CCSER1: variants seen among roughly 807,000 people sequenced by gnomAD.
CCSER1 encodes coiled-coil serine rich protein 1, also known as serine-rich coiled-coil domain-containing protein 1.
In CCSER1, 41 loss-of-function variants were observed where a neutral mutation model predicts 82.0. That is an observed-to-expected ratio of 0.50 (90% CI 0.39 to 0.65). The LOEUF (loss-of-function observed/expected upper bound fraction) is 0.65. CCSER1 is among the 30% of genes least tolerant of loss of function. CCSER1 has a pLI of 0.00. For synonymous variants in CCSER1, 414 were observed against 383.9 expected (o/e 1.08, Z -0.92); for missense variants, 1,119 against 1,064.2 (o/e 1.05, Z -0.72).
chr4:91,241,653 G>T (rs968891374), intron 10 of CCSER1, among the ~76,000 whole-genome samples: 2 of 151,708 alleles, frequency 1.3e-5, no homozygotes, highest in African/African-American at 4.8e-5. Flanking sequence ...TATATATTTT[G>T]GTATAATTAC....
intron 8 of CCSER1, among the ~76,000 whole-genome samples, chr4:90,831,279 C>T (rs1422542344): frequency 6.6e-6 from 1 of 152,056 alleles, no homozygotes; most frequent in Non-Finnish European, 1.5e-5. Flanking sequence ...GTGGATTTGA[C>T]TTTTACAGTG....
rs1561384636 is a variant in CCSER1, at chr4:90,932,962, GAAAGAAAGAAAGAAAGAA to G, written c.2172+9517_2172+9534del. Reference sequence around the variant, plus strand: ...AGAAAGAAAGAAAGAAAGAAAGAAAGAAAGAAAGAAAGAAAGAAAGAGAAAGAAAGAAAGAAAGAAAGA... The same window carrying G: ...AGAAAGAAAGAAAGAAAGAAAGAAAGAGAGAAAGAAAGAAAGAAAGAAAGA... On this transcript the variant is annotated intron_variant, in intron 9 of 10. Coordinates refer to ENST00000509176, the MANE Select transcript of CCSER1 (RefSeq NM_001145065.2). Among the ~76,000 whole-genome samples, 210 of 34,836 alleles carry G rather than the reference GAAAGAAAGAAAGAAAGAA, an allele frequency of 6.0e-3. 67 individuals are homozygous for G. Among genetic ancestry groups the G allele is most frequent in the African/African-American group, 0.034 (177 of 5,184 alleles). 22.9% of individuals were successfully genotyped at this position (34,836 alleles called of 152,430 possible). A position where few individuals can be genotyped will look rare whatever the true frequency, so the allele number is the denominator to read the frequency against.
At position 90,502,701 on chromosome 4, in the gene CCSER1, A is replaced by G. The variant is rs1400012891; in HGVS notation, c.1724+34347A>G. Among the ~76,000 whole-genome samples, 7 of 152,330 alleles carry G rather than the reference A, an allele frequency of 4.6e-5. No individual in the cohort carries two copies. The East Asian group carries it at 7.7e-4, about 17-fold the overall frequency. ...AACAAGATCGAAGAAGAGAAAATGCATAAAAGCATTTGAGAAAAAATATAC... is the reference window on the plus strand; with the variant it reads ...AACAAGATCGAAGAAGAGAAAATGCGTAAAAGCATTTGAGAAAAAATATAC... On this transcript the variant is annotated intron_variant, in intron 5 of 10. Coordinates refer to ENST00000509176, the MANE Select transcript of CCSER1 (RefSeq NM_001145065.2).
intron 10 of CCSER1, among the ~76,000 whole-genome samples, chr4:91,419,567 A>G (rs187520568): frequency 6.6e-6 from 1 of 152,210 alleles, no homozygotes; most frequent in African/African-American, 2.4e-5. Flanking sequence ...GAAGGCACAA[A>G]TGCAAAGGTA....
At chr4:90,957,541 ATATAAT>A (rs961170131) in intron 9 of CCSER1, among the ~76,000 whole-genome samples, 21 of 122,336 alleles carry the variant, frequency 1.7e-4, no homozygotes, top group African/African-American at 7.3e-4. Context: ...TATATATATT[ATATAAT>A]TATATTATAT....
intron 8 of CCSER1, among the ~76,000 whole-genome samples, chr4:90,917,526 G>T (rs957309540): frequency 6.6e-6 from 1 of 152,042 alleles, no homozygotes; most frequent in Non-Finnish European, 1.5e-5. Flanking sequence ...GTAGAAGGAG[G>T]GGGGAGGGAT....
intron 7 of CCSER1, among the ~76,000 whole-genome samples, chr4:90,750,971 C>T (rs17017507): frequency 6.6e-6 from 1 of 151,854 alleles, no homozygotes; most frequent in African/African-American, 2.4e-5. Context: ...AAATATCAGA[C>T]CTTTATTAGT....
intron 3 of CCSER1, among the ~76,000 whole-genome samples, chr4:90,359,881 ATATATATGTGTGTGTG>A (rs1453804029): frequency 1.2e-5 from 1 of 80,442 alleles, no homozygotes; most frequent in Non-Finnish European, 2.2e-5. Context: ...ATATGTGTGT[ATATATATGTGTGTGTG>A]TATATATATA....
intron 3 of CCSER1, among the ~76,000 whole-genome samples, chr4:90,361,926 A>G (rs901746290): frequency 6.6e-6 from 1 of 152,216 alleles, no homozygotes; most frequent in African/African-American, 2.4e-5. Flanking sequence ...TTTAGAAGAT[A>G]TATACAGTTT....
intron 7 of CCSER1, among the ~76,000 whole-genome samples, chr4:90,729,508 C>T (rs977224336): frequency 2.6e-5 from 4 of 151,860 alleles, no homozygotes; most frequent in African/African-American, 9.7e-5. Context: ...ATGAATTTGT[C>T]TTGAGGGAAA....
Position 91,347,790 on chromosome 4 carries a change from G to GA in CCSER1, c.2218-250775dup, listed in dbSNP as rs1157734475. On this transcript the variant is annotated intron_variant, in intron 10 of 10. Transcript: ENST00000509176. The stretch of plus-strand genomic sequence containing the variant: ...TCCAATTTTTCATGGCTAGTATTAA[G>GA]AAAAAAATTGACTTTTGCTTATTAG... 3.3e-5 allele frequency among the ~76,000 whole-genome samples: 5 copies of GA among 151,090 alleles called. No homozygotes were observed. The South Asian group carries it at 6.2e-4, about 19-fold the overall frequency.
chr4:90,252,638 A>G (rs1722603405), intron 1 of CCSER1, among the ~76,000 whole-genome samples: 1 of 151,846 alleles, frequency 6.6e-6, no homozygotes, highest in Non-Finnish European at 1.5e-5. Flanking sequence ...AAATCCACTT[A>G]TATTATTTTA....
intron 7 of CCSER1, among the ~76,000 whole-genome samples, chr4:90,728,320 T>G (rs1303313581): frequency 6.6e-6 from 1 of 152,200 alleles, no homozygotes; most frequent in Non-Finnish European, 1.5e-5. Context: ...AACTCCAAGC[T>G]TCTCTCAGAG....
intron 8 of CCSER1, among the ~76,000 whole-genome samples, chr4:90,918,614 T>C (rs1727880538): frequency 6.7e-6 from 1 of 149,640 alleles, no homozygotes; most frequent in South Asian, 2.1e-4. Context: ...GTACCTATTA[T>C]GTCTTTCATG....
At chr4:90,606,280 A>G in intron 5 of CCSER1, among the ~76,000 whole-genome samples, 1 of 152,146 alleles carries the variant, frequency 6.6e-6, no homozygotes, top group South Asian at 2.1e-4. Context: ...CTGTTTCATC[A>G]TTGTGCAAAC....
intron 8 of CCSER1, among the ~76,000 whole-genome samples, chr4:90,861,997 G>A (rs1450727264): frequency 6.7e-6 from 1 of 149,706 alleles, no homozygotes; most frequent in Non-Finnish European, 1.5e-5. Flanking sequence ...AGGAGTGGTA[G>A]TGATGAAAGA....
At chr4:91,175,718 A>T (rs1733263656) in intron 10 of CCSER1, among the ~76,000 whole-genome samples, 1 of 152,032 alleles carries the variant, frequency 6.6e-6, no homozygotes, top group Admixed American at 6.6e-5. Flanking sequence ...TAGATTCTGG[A>T]TATTAGCCCT....
rs72872985 is a variant in CCSER1, at chr4:91,191,631, C to T, written c.2217+105637C>T. ...GATGTACATTTTCCAGAGACACAGT[C>T]GGTTCCAAGGCAGGTTCCACAGTTT... On this transcript the variant is annotated intron_variant, in intron 10 of 10. Transcript: ENST00000509176. 8.7e-3 allele frequency among the ~76,000 whole-genome samples: 1,322 copies of T among 152,230 alleles called. 19 individuals are homozygous for T. Among genetic ancestry groups the T allele is most frequent in the African/African-American group, 0.03 (1,239 of 41,546 alleles).
At chr4:91,575,466 C>A (rs145265600) in intron 10 of CCSER1, among the ~76,000 whole-genome samples, 324 of 151,978 alleles carry the variant, frequency 2.1e-3, no homozygotes, top group Non-Finnish European at 3.9e-3. Context: ...AATCATATAT[C>A]TAATAAGGGA....
Sources: gnomAD v4.1 joint callset for allele counts (sites outside exome capture counted in the v4.1 genomes callset) on GRCh38, gnomAD v4.1.1 for gene constraint, MANE v1.5 for transcripts, NCBI Gene and HGNC (gene_info 2026-07-23, HGNC 2026-07-21) for gene names.